MYO16: variants seen among roughly 807,000 people sequenced by gnomAD.
MYO16 encodes myosin XVI.
A neutral mutation model predicts 205.3 loss-of-function variants in MYO16; 94 were observed. The observed-to-expected ratio is 0.46, with a 90% CI of 0.39 to 0.54. The LOEUF (loss-of-function observed/expected upper bound fraction) is 0.54, where lower values mean the gene tolerates loss of function less well. Ranked by LOEUF, MYO16 falls within the 20% of genes least tolerant of loss-of-function variation. The pLI is 0.00. For synonymous variants in MYO16, 988 were observed against 954.0 expected, an observed-to-expected ratio of 1.04 and a Z score of -0.66; for missense variants, 2,315 against 2,387.5, an observed-to-expected ratio of 0.97 and a Z score of 0.63.
At chr13:109,114,673 T>C (rs1434418028) in intron 28 of MYO16, among the ~76,000 whole-genome samples, 2 of 152,232 alleles carry the variant, frequency 1.3e-5, no homozygotes, top group Admixed American at 6.5e-5. Flanking sequence ...TATTCCGAAA[T>C]AAATTCTATC....
At chr13:108,794,869 A>G in intron 6 of MYO16, among the ~76,000 whole-genome samples, 1 of 152,182 alleles carries the variant, frequency 6.6e-6, no homozygotes. Flanking sequence ...TACTCCCATG[A>G]AAAAAACATG....
intron 2 of MYO16, among the ~76,000 whole-genome samples, chr13:108,688,150 A>G (rs1052523728): frequency 6.6e-6 from 1 of 152,178 alleles, no homozygotes; most frequent in African/African-American, 2.4e-5. Context: ...TTGTAAAAAA[A>G]TAGGAAATTA....
chr13:108,536,263 A>T, the MYO16 span, among the ~76,000 whole-genome samples: 2 of 152,222 alleles, frequency 1.3e-5, no homozygotes, highest in African/African-American at 4.8e-5. Flanking sequence ...CAGTAGTCAG[A>T]GAGCTACAGA....
intron 31 of MYO16, among the ~76,000 whole-genome samples, chr13:109,138,796 T>TATTTA (rs1256950942): frequency 4.6e-5 from 7 of 152,074 alleles, no homozygotes; most frequent in Non-Finnish European, 8.8e-5. Flanking sequence ...TTACATCATT[T>TATTTA]ATTTAATTTA....
At position 108,958,678 on chromosome 13, in the gene MYO16, C is replaced by T. The variant is rs77346135; in HGVS notation, c.2037+879C>T. On this transcript the variant is annotated intron_variant, in intron 17 of 34. Coordinates refer to ENST00000457511, the MANE Select transcript of MYO16 (RefSeq NM_001198950.3). ...TTTTAATTAATGTAAATTGACATAG[C>T]CATGTGTGGTTAGTGGTTACTGAAT... Among the ~76,000 whole-genome samples, 434 of 152,144 alleles carry T rather than the reference C, an allele frequency of 2.9e-3. 7 individuals are homozygous for T. The highest frequency in any genetic ancestry group is 1.0e-2 in the African/African-American group (413 of 41,494).
chr13:108,821,178 C>A (rs1875951299), intron 8 of MYO16, among the ~76,000 whole-genome samples: 1 of 152,024 alleles, frequency 6.6e-6, no homozygotes, highest in Non-Finnish European at 1.5e-5. Flanking sequence ...TCTTGCTATA[C>A]CTCTGCTGAC....
At position 109,165,638 on chromosome 13, in the gene MYO16, T is replaced by G. The variant is rs527947184; in HGVS notation, c.5323+579T>G. The stretch of plus-strand genomic sequence containing the variant: ...CTGGGAAAAGCATGTTTGTTTAGTC[T>G]AATTAGAGGCGTGGGAGAACCATCA... On this transcript the variant is annotated intron_variant, in intron 33 of 34. Coordinates refer to ENST00000457511, the MANE Select transcript of MYO16 (RefSeq NM_001198950.3). Among the ~76,000 whole-genome samples the G allele has an allele frequency of 1.4e-4, 22 of 152,258 alleles. No homozygotes were observed. In the South Asian group the frequency reaches 1.7e-3, roughly 11 times the overall value.
At chr13:108,533,906 T>A in the MYO16 span, among the ~76,000 whole-genome samples, 3 of 152,320 alleles carry the variant, frequency 2.0e-5, no homozygotes, top group East Asian at 5.8e-4. Context: ...ATTTTAATAC[T>A]GGAACATTTT....
chr13:108,756,249 C>A (rs1202002696), intron 4 of MYO16, among the ~76,000 whole-genome samples: 1 of 151,918 alleles, frequency 6.6e-6, no homozygotes, highest in African/African-American at 2.4e-5. Context: ...AATATAAGAG[C>A]ATACAATTCA....
chr13:108,645,184 A>G (rs896554174), intron 1 of MYO16, among the ~76,000 whole-genome samples: 1 of 152,162 alleles, frequency 6.6e-6, no homozygotes, highest in African/African-American at 2.4e-5. Flanking sequence ...CTGATCATAT[A>G]ATAAAGCTGG....
In MYO16 at chr13:108,842,920, C is replaced by T. The variant is rs528928365; in HGVS notation, c.1098-1423C>T. Among the ~76,000 whole-genome samples the T allele has an allele frequency of 7.2e-5, 11 of 152,040 alleles. No individual in the cohort carries two copies. The South Asian group carries it at 1.0e-3, about 14-fold the overall frequency. On this transcript the variant is annotated intron_variant, in intron 9 of 34. Coordinates refer to ENST00000457511, the MANE Select transcript of MYO16 (RefSeq NM_001198950.3). ...TATCTACAGAATATTATTCAGCTAC[C>T]AAAAAATAAAAAGAAATTCTATCAT...
At chr13:109,146,280 T>C (rs184233705) in intron 32 of MYO16, among the ~76,000 whole-genome samples, 302 of 152,338 alleles carry the variant, frequency 2.0e-3, no homozygotes, top group Non-Finnish European at 2.6e-3. Flanking sequence ...TGAGAGTATT[T>C]TATAAACAAT....
chr13:109,101,706 C>T (rs1426148377), intron 28 of MYO16: 1 of 152,144 alleles, frequency 6.6e-6, no homozygotes, highest in Non-Finnish European at 1.5e-5. Flanking sequence ...TTGGAAGTTT[C>T]TTGCTGTAAA....
chr13:108,520,583 A>C, the MYO16 span, among the ~76,000 whole-genome samples: 1 of 152,206 alleles, frequency 6.6e-6, no homozygotes, highest in African/African-American at 2.4e-5. Flanking sequence ...GCTATTTGTC[A>C]AGGAGAAAAT....
intron 14 of MYO16, among the ~76,000 whole-genome samples, chr13:108,890,105 T>TA (rs72166309): frequency 0.065 from 951 of 14,554 alleles, 11 homozygotes; most frequent in African/African-American, 0.2. Flanking sequence ...AATTTTTGTA[T>TA]TTTTTTTTTT....
At chr13:108,837,453 A>G (rs1282825494) in intron 9 of MYO16, among the ~76,000 whole-genome samples, 1 of 152,210 alleles carries the variant, frequency 6.6e-6, no homozygotes, top group African/African-American at 2.4e-5. Flanking sequence ...TATATAAGCT[A>G]TGATATAATT....
At chr13:108,500,649 G>A in the MYO16 span, among the ~76,000 whole-genome samples, 1 of 152,038 alleles carries the variant, frequency 6.6e-6, no homozygotes, top group Non-Finnish European at 1.5e-5. Context: ...TGACTGAGAT[G>A]AGTCTTCTTT....
intron 27 of MYO16, among the ~76,000 whole-genome samples, chr13:109,075,077 A>G (rs1888047898): frequency 6.6e-6 from 1 of 152,044 alleles, no homozygotes; most frequent in Non-Finnish European, 1.5e-5. Flanking sequence ...TTAATTTTGT[A>G]TATTTACACA....
At chr13:108,686,025 G>T (rs1566549661) in intron 2 of MYO16, among the ~76,000 whole-genome samples, 1 of 152,202 alleles carries the variant, frequency 6.6e-6, no homozygotes, top group African/African-American at 2.4e-5. Flanking sequence ...GGAGACACAG[G>T]TCAGCCCATA....
Sources: allele counts gnomAD v4.1 joint callset (sites outside exome capture counted in the v4.1 genomes callset), GRCh38; gene constraint gnomAD v4.1.1; transcripts MANE v1.5; gene names NCBI Gene and HGNC (gene_info 2026-07-23, HGNC 2026-07-21).